The following REEP3 variants were observed in gnomAD, a reference collection of about 807,000 sequenced individuals.
REEP3 encodes the protein receptor accessory protein 3, also known as receptor expression-enhancing protein 3.
In REEP3, 20 loss-of-function variants were observed where a neutral mutation model predicts 41.3. The observed-to-expected ratio is 0.48, with a 90% confidence interval of 0.34 to 0.70. REEP3 has a LOEUF of 0.70. Among genes scored for constraint, REEP3 ranks in the 30% least tolerant of loss-of-function variants. The pLI is 0.01. For missense variants in REEP3, 271 were observed against 308.8 expected (o/e 0.88, Z 0.92); for synonymous variants, 104 against 101.8 (o/e 1.02, Z -0.13).
chr10:63,576,935 T>C (rs1248824788), intron 2 of REEP3, among the ~76,000 whole-genome samples: 1 of 152,202 alleles, frequency 6.6e-6, no homozygotes, highest in African/African-American at 2.4e-5. Context: ...ATAAAGGCCC[T>C]AACTCCAAAT....
intron 6 of REEP3, among the ~76,000 whole-genome samples, chr10:63,618,710 A>G (rs1956331130): frequency 6.6e-6 from 1 of 152,262 alleles, no homozygotes; most frequent in African/African-American, 2.4e-5. Flanking sequence ...GGAACTTGTC[A>G]GAAATGCAGA....
intron 1 of REEP3, among the ~76,000 whole-genome samples, chr10:63,543,615 A>G (rs1433383956): frequency 6.6e-6 from 1 of 152,224 alleles, no homozygotes; most frequent in African/African-American, 2.4e-5. Context: ...TTGTGTGTAC[A>G]GAAGATTCAG....
At chr10:63,531,156 G>C (rs558428363) in intron 1 of REEP3, among the ~76,000 whole-genome samples, 3 of 152,298 alleles carry the variant, frequency 2.0e-5, no homozygotes, top group African/African-American at 7.2e-5. Context: ...GTAGCAATCA[G>C]GATGGAATTA....
intron 1 of REEP3, among the ~76,000 whole-genome samples, chr10:63,524,893 T>A (rs2133333643): frequency 6.6e-6 from 1 of 152,134 alleles, no homozygotes; most frequent in Non-Finnish European, 1.5e-5. Flanking sequence ...ACACCTGTAG[T>A]CCTGGCTACT....
chr10:63,583,901 A>T (rs1474239745), intron 2 of REEP3, among the ~76,000 whole-genome samples: 1 of 152,198 alleles, frequency 6.6e-6, no homozygotes, highest in African/African-American at 2.4e-5. Context: ...TTCCTTCCTA[A>T]ATTCTGCTCC....
chr10:63,525,100 C>T (rs1243350004), intron 1 of REEP3, among the ~76,000 whole-genome samples: 1 of 151,640 alleles, frequency 6.6e-6, no homozygotes, highest in Non-Finnish European at 1.5e-5. Context: ...GCACTTAAAA[C>T]GTAATAGATA....
At chr10:63,531,280 T>G (rs1382573957) in intron 1 of REEP3, among the ~76,000 whole-genome samples, 1 of 152,254 alleles carries the variant, frequency 6.6e-6, no homozygotes, top group African/African-American at 2.4e-5. Context: ...TGAAGATGTT[T>G]TAATATATCA....
rs78284298 is a variant in REEP3 at position 63,525,024 on chromosome 10, A to G, written c.32+3447A>G. 2.0e-5 allele frequency among the ~76,000 whole-genome samples: 3 copies of G among 152,220 alleles called. No individual in the cohort carries two copies. In the East Asian group the frequency reaches 5.8e-4, roughly 29 times the overall value. ...AAGACTCTGTCTCAAAAAAAAAAAA[A>G]AGACTGTTGTAAAGATTAAATTAGT... On this transcript the variant is annotated intron_variant, in intron 1 of 7. Coordinates refer to ENST00000373758, the MANE Select transcript of REEP3 (RefSeq NM_001001330.3).
At chr10:63,553,114 C>A (rs1451887891) in intron 1 of REEP3, among the ~76,000 whole-genome samples, 2 of 152,080 alleles carry the variant, frequency 1.3e-5, no homozygotes, top group African/African-American at 2.4e-5. Context: ...AAGACCAAAC[C>A]TTTTTTTAAA....
At chr10:63,574,465 T>C (rs1955880088) in intron 2 of REEP3, among the ~76,000 whole-genome samples, 1 of 152,218 alleles carries the variant, frequency 6.6e-6, no homozygotes, top group African/African-American at 2.4e-5. Flanking sequence ...TGTGCCTCAG[T>C]TTTCTAATCA....
At chr10:63,523,295 G>A (rs532883380) in intron 1 of REEP3, among the ~76,000 whole-genome samples, 1 of 152,146 alleles carries the variant, frequency 6.6e-6, no homozygotes, top group Non-Finnish European at 1.5e-5. Flanking sequence ...GGGATATCTG[G>A]TTGGAGAATC....
intron 6 of REEP3, among the ~76,000 whole-genome samples, chr10:63,613,175 C>G (rs865991067): frequency 6.6e-6 from 1 of 152,194 alleles, no homozygotes; most frequent in Admixed American, 6.5e-5. Context: ...CCACGCCTGG[C>G]TAATTTTTAT....
At chr10:63,560,900 TAC>T (rs1955734129) in intron 1 of REEP3, among the ~76,000 whole-genome samples, 2 of 152,182 alleles carry the variant, frequency 1.3e-5, no homozygotes, top group East Asian at 1.9e-4. Flanking sequence ...TAGAAAATAT[TAC>T]AGTTATTAAT....
At chr10:63,594,986 A>G (rs1156531005) in intron 3 of REEP3, 132 bp downstream of exon 3, 2 of 669,776 alleles carry the variant, frequency 3.0e-6, no homozygotes, top group East Asian at 2.6e-5. Flanking sequence ...TGTTTTTGTC[A>G]TCTGCTTTCC....
At chr10:63,549,225 A>G (rs1955605444) in intron 1 of REEP3, among the ~76,000 whole-genome samples, 1 of 152,218 alleles carries the variant, frequency 6.6e-6, no homozygotes, top group Non-Finnish European at 1.5e-5. Context: ...ATAAAGAACT[A>G]TGTCTCATTT....
At chr10:63,598,783 C>CA (rs557044785) in intron 4 of REEP3, among the ~76,000 whole-genome samples, 60,614 of 116,934 alleles carry the variant, frequency 0.52, 14,437 homozygotes, top group South Asian at 0.58. Flanking sequence ...GACTCCATCT[C>CA]AAAAAAAAAA....
chr10:63,541,557 G>A (rs1053718323), intron 1 of REEP3, among the ~76,000 whole-genome samples: 1 of 152,108 alleles, frequency 6.6e-6, no homozygotes, highest in African/African-American at 2.4e-5. Flanking sequence ...AGCTACAGAA[G>A]TATAACCATC....
intron 1 of REEP3, among the ~76,000 whole-genome samples, chr10:63,527,477 A>G (rs1391601400): frequency 6.6e-6 from 1 of 152,022 alleles, no homozygotes; most frequent in East Asian, 1.9e-4. Flanking sequence ...TTCCAGACCA[A>G]TCCAGGCAAC....
chr10:63,529,517 C>T (rs1393073576), intron 1 of REEP3, among the ~76,000 whole-genome samples: 1 of 151,958 alleles, frequency 6.6e-6, no homozygotes, highest in Non-Finnish European at 1.5e-5. Flanking sequence ...GAGTACAGTG[C>T]AGTGACATGA....
Sources: allele counts gnomAD v4.1 joint callset (sites outside exome capture counted in the v4.1 genomes callset), GRCh38; gene constraint gnomAD v4.1.1; transcripts MANE v1.5; gene names NCBI Gene and HGNC (gene_info 2026-07-23, HGNC 2026-07-21).